The following SNX13 variants were observed in gnomAD, a reference collection of about 807,000 sequenced individuals.
SNX13 encodes sorting nexin 13, also known as sorting nexin-13.
Under a neutral mutation model 133.6 loss-of-function variants are expected in SNX13, and 45 were observed. The ratio of observed to expected loss-of-function variants is 0.34; its 90% CI spans 0.27 to 0.43. The LOEUF (loss-of-function observed/expected upper bound fraction) is 0.43, where lower values mean the gene tolerates loss of function less well. SNX13 is among the 20% of genes least tolerant of loss of function. The pLI is 1.00. For synonymous variants in SNX13, 414 were observed against 373.9 expected, an observed-to-expected ratio of 1.11 and a Z score of -1.24; for missense variants, 1,032 against 1,145.1, an observed-to-expected ratio of 0.90 and a Z score of 1.43.
chr7:17,867,181 A>C (rs531786992), intron 9 of SNX13, among the ~76,000 whole-genome samples: 21 of 152,310 alleles, frequency 1.4e-4, no homozygotes, highest in African/African-American at 5.1e-4. Context: ...AAGTCTAAAA[A>C]AGTTCACAGA....
In SNX13 at chr7:17,799,107, T is replaced by C; in HGVS notation, c.2346A>G (p.Glu782=). 6.2e-7 allele frequency: 1 copy of C among 1,610,516 alleles called. No homozygotes were observed. The highest frequency in any genetic ancestry group is 8.5e-7 in the Non-Finnish European group (1 of 1,177,794). ...PLRVMLLLMD[E]VFDLKERNQW... ...GATTTCTTTCTTTTAAGTCGAATACTTCATCCATGAGAAGCAGCATTACCC... is the reference window on the plus strand; with the variant it reads ...GATTTCTTTCTTTTAAGTCGAATACCTCATCCATGAGAAGCAGCATTACCC... Residue 782 remains glutamate, a synonymous_variant, in exon 23 of 26, where the codon GAA becomes GAG. Coordinates refer to ENST00000428135, the MANE Select transcript of SNX13 (RefSeq NM_015132.5).
intron 9 of SNX13, among the ~76,000 whole-genome samples, chr7:17,852,844 T>C (rs1160370751): frequency 1.3e-5 from 2 of 152,200 alleles, no homozygotes; most frequent in African/African-American, 4.8e-5. Context: ...TTGCTTTAGC[T>C]AGATACATGG....
chr7:17,892,377 C>T (rs745661874), intron 3 of SNX13, among the ~76,000 whole-genome samples: 6 of 151,486 alleles, frequency 4.0e-5, no homozygotes, highest in Non-Finnish European at 7.4e-5. Context: ...TAATTTATTA[C>T]TGTTAAGGAT....
intron 11 of SNX13, among the ~76,000 whole-genome samples, chr7:17,848,495 G>A (rs1433959304): frequency 6.6e-6 from 1 of 152,180 alleles, no homozygotes; most frequent in Non-Finnish European, 1.5e-5. Flanking sequence ...TAACCCTTAA[G>A]CCATCCACAG....
In SNX13 at chr7:17,940,469, C is replaced by A. The variant is rs1409600368; in HGVS notation, c.-174G>T. The stretch of plus-strand genomic sequence containing the variant: ...CTCCCCTCGGCCCGGTCGCTCGCGA[C>A]GGACGCGCCGCCATCTTGGAAGAGC... On this transcript the variant is annotated 5_prime_UTR_variant, in exon 1 of 26. Coordinates refer to ENST00000428135, the MANE Select transcript of SNX13 (RefSeq NM_015132.5). 1 of 745,182 alleles carries A rather than the reference C, an allele frequency of 1.3e-6. No homozygotes were observed. The highest frequency in any genetic ancestry group is 2.4e-6 in the Non-Finnish European group (1 of 424,130). 46.2% of individuals were successfully genotyped at this position (745,182 alleles called of 1,614,324 possible).
At chr7:17,805,462 A>G (rs1262172565) in intron 20 of SNX13, among the ~76,000 whole-genome samples, 1 of 152,214 alleles carries the variant, frequency 6.6e-6, no homozygotes, top group Non-Finnish European at 1.5e-5. Context: ...TGACAATGCA[A>G]CATTTAAAAT....
intron 12 of SNX13, among the ~76,000 whole-genome samples, chr7:17,843,838 A>C (rs1377320559): frequency 6.6e-6 from 1 of 152,082 alleles, no homozygotes; most frequent in Non-Finnish European, 1.5e-5. Flanking sequence ...CTCTGAAAAC[A>C]TGAAAACACA....
At chr7:17,801,739 G>A (rs902441547) in intron 21 of SNX13, 80 bp from the exon 22 acceptor site, 13 of 1,030,778 alleles carry the variant, frequency 1.3e-5, no homozygotes, top group Middle Eastern at 2.1e-4. Context: ...AAACCTAAAT[G>A]AGTATCAGCA....
chr7:17,932,317 C>G lies in SNX13; in HGVS notation c.12+7967G>C, dbSNP rs960817507. Among the ~76,000 whole-genome samples, 44 of 152,272 alleles carry G rather than the reference C, an allele frequency of 2.9e-4. 1 individual carries two copies. The highest frequency in any genetic ancestry group is 9.1e-4 in the Admixed American group (14 of 15,304). ...AATTAAGACAGAATTTCATTCCTAA[C>G]TAAAAGCCTCAGGTTCAACTTTTTT... On this transcript the variant is annotated intron_variant, in intron 1 of 25. Transcript: ENST00000428135.
intron 16 of SNX13, 27 bp downstream of exon 16, chr7:17,829,983 T>G (rs1306524142): frequency 2.7e-6 from 4 of 1,477,896 alleles, no homozygotes; most frequent in East Asian, 5.0e-5. Context: ...CAAGTCACTT[T>G]AATAAAGTAC....
intron 7 of SNX13, among the ~76,000 whole-genome samples, chr7:17,874,295 T>A (rs891397508): frequency 1.2e-4 from 18 of 152,138 alleles, no homozygotes; most frequent in Middle Eastern, 3.4e-3. Context: ...ATCAAAAAAA[T>A]TCACAAAAAG....
intron 17 of SNX13, among the ~76,000 whole-genome samples, chr7:17,822,560 C>T (rs1787414756): frequency 6.6e-6 from 1 of 152,086 alleles, no homozygotes; most frequent in Admixed American, 6.6e-5. Context: ...TTTTAACATA[C>T]TTACGGCCAA....
chr7:17,839,999 A>G lies in SNX13; in HGVS notation c.1167T>C (p.Asp389=), dbSNP rs1391372513. The G allele has an allele frequency of 6.2e-7, 1 of 1,605,210 alleles. No individual in the cohort carries two copies. The highest frequency in any genetic ancestry group is 2.2e-5 in the East Asian group (1 of 44,510). The change falls in exon 13 of 26, where the codon GAT becomes GAC. Residue 389 remains aspartate (D), a splice_region_variant and synonymous_variant. Coordinates refer to ENST00000428135, the MANE Select transcript of SNX13 (RefSeq NM_015132.5). The part of the protein sequence containing the change: ...VDNVALQFFM[D]YMQQTGGQAH... ...CTTGACCTCCAGTTTGCTGCATGTA[A>G]TCTAGCAATCAAAAATCCATAATAA...
chr7:17,852,350 G>A (rs1303527300), intron 9 of SNX13, among the ~76,000 whole-genome samples: 1 of 152,106 alleles, frequency 6.6e-6, no homozygotes, highest in Non-Finnish European at 1.5e-5. Context: ...TCCAGGTTGG[G>A]CGCCAGAGTG....
intron 19 of SNX13, among the ~76,000 whole-genome samples, chr7:17,815,503 C>T (rs1000222651): frequency 4.6e-5 from 7 of 152,074 alleles, no homozygotes; most frequent in Non-Finnish European, 1.0e-4. Context: ...GATGATCCCT[C>T]GAGCCCAGGA....
At chr7:17,923,488 G>A (rs1485980492) in intron 1 of SNX13, among the ~76,000 whole-genome samples, 4 of 152,136 alleles carry the variant, frequency 2.6e-5, no homozygotes, top group Non-Finnish European at 5.9e-5. Flanking sequence ...AAAAACAGAC[G>A]ATCCTCAAGA....
intron 12 of SNX13, among the ~76,000 whole-genome samples, chr7:17,840,440 T>C (rs538782263): frequency 2.0e-5 from 3 of 152,022 alleles, no homozygotes; most frequent in South Asian, 4.2e-4. Flanking sequence ...CCTAACGTAA[T>C]AGCAATAAGA....
At chr7:17,809,077 T>C (rs957726626) in intron 20 of SNX13, among the ~76,000 whole-genome samples, 1 of 152,002 alleles carries the variant, frequency 6.6e-6, no homozygotes, top group Non-Finnish European at 1.5e-5. Flanking sequence ...GCTAACATCA[T>C]AATGACAGGA....
intron 9 of SNX13, among the ~76,000 whole-genome samples, chr7:17,854,101 T>G (rs79329513): frequency 0.011 from 1,701 of 152,284 alleles, 27 homozygotes; most frequent in African/African-American, 0.039. Context: ...AGTAAATGTA[T>G]GAGTGTAAAA....
Sources: gnomAD v4.1 joint callset for allele counts (sites outside exome capture counted in the v4.1 genomes callset) on GRCh38, gnomAD v4.1.1 for gene constraint, MANE v1.5 for transcripts, NCBI Gene and HGNC (gene_info 2026-07-23, HGNC 2026-07-21) for gene names.